NTNG1: variants seen among roughly 807,000 people sequenced by gnomAD.
NTNG1 encodes the protein netrin G1, also known as netrin-G1.
NTNG1 carries 16 observed loss-of-function variants against 54.0 expected under a neutral mutation model. That is an observed-to-expected ratio of 0.30 (90% confidence interval 0.20 to 0.45). The LOEUF (loss-of-function observed/expected upper bound fraction) is 0.45. Among genes scored for constraint, NTNG1 ranks in the 20% least tolerant of loss-of-function variants. The pLI is 1.00. For synonymous variants in NTNG1, 255 were observed against 263.1 expected (o/e 0.97, Z 0.30); for missense variants, 530 against 678.7 (o/e 0.78, Z 2.43).
intron 2 of NTNG1, among the ~76,000 whole-genome samples, chr1:107,249,241 T>G (rs1662420416): frequency 6.6e-6 from 1 of 151,588 alleles, no homozygotes; most frequent in Non-Finnish European, 1.5e-5. Context: ...ATCCCAGCAC[T>G]TTGGGAGGCT....
At chr1:107,299,019 G>A (rs976955166) in intron 2 of NTNG1, among the ~76,000 whole-genome samples, 4 of 152,124 alleles carry the variant, frequency 2.6e-5, no homozygotes, top group Non-Finnish European at 4.4e-5. Flanking sequence ...TGGGTTATGG[G>A]TACATTATGC....
intron 7 of NTNG1, among the ~76,000 whole-genome samples, chr1:107,446,838 GTGAT>G (rs1198473199): frequency 1.3e-5 from 2 of 152,074 alleles, no homozygotes; most frequent in Non-Finnish European, 1.5e-5. Context: ...TAAATACAGA[GTGAT>G]TGATTGTCTT....
At chr1:107,388,831 G>A (rs922520390) in intron 3 of NTNG1, among the ~76,000 whole-genome samples, 1 of 152,194 alleles carries the variant, frequency 6.6e-6, no homozygotes, top group Non-Finnish European at 1.5e-5. Flanking sequence ...TGTAAAGAAA[G>A]TCAAAAGTCA....
intron 2 of NTNG1, among the ~76,000 whole-genome samples, chr1:107,228,420 T>C: frequency 6.6e-6 from 1 of 152,182 alleles, no homozygotes; most frequent in East Asian, 1.9e-4. Flanking sequence ...CAATTTAGGT[T>C]TTAGTAAACT....
At chr1:107,238,647 A>C (rs1208554164) in intron 2 of NTNG1, among the ~76,000 whole-genome samples, 2 of 152,072 alleles carry the variant, frequency 1.3e-5, no homozygotes, top group African/African-American at 4.8e-5. Context: ...AGTCTCATGA[A>C]ATCTGATGGC....
At position 107,387,999 on chromosome 1, in the gene NTNG1, A is replaced by G. The variant is rs371727275; in HGVS notation, c.888-7155A>G. Among the ~76,000 whole-genome samples, 14 of 152,306 alleles carry G rather than the reference A, an allele frequency of 9.2e-5. No homozygotes were observed. In the South Asian group the frequency reaches 2.9e-3, roughly 32 times the overall value. ...CTTTGTTATATTGTCATGATTAGAT[A>G]CAGAGAGTATTACTCTGTTTATAGT... On this transcript the variant is annotated intron_variant, in intron 3 of 7. Transcript: ENST00000370068.
chr1:107,381,190 C>A (rs1166776515), intron 3 of NTNG1, among the ~76,000 whole-genome samples: 3 of 151,652 alleles, frequency 2.0e-5, no homozygotes, highest in Non-Finnish European at 2.9e-5. Flanking sequence ...ACAATAAAAC[C>A]AAATGAAGAG....
At chr1:107,306,602 T>C (rs192593202) in intron 2 of NTNG1, among the ~76,000 whole-genome samples, 1 of 152,032 alleles carries the variant, frequency 6.6e-6, no homozygotes, top group Admixed American at 6.5e-5. Flanking sequence ...AATAGAAAAA[T>C]TAGCTGGGCA....
At chr1:107,196,316 A>G (rs913520688) in intron 2 of NTNG1, among the ~76,000 whole-genome samples, 2 of 152,126 alleles carry the variant, frequency 1.3e-5, no homozygotes, top group Non-Finnish European at 2.9e-5. Flanking sequence ...CCTCCCCACA[A>G]AACCCCTTCC....
intron 3 of NTNG1, among the ~76,000 whole-genome samples, chr1:107,338,557 C>G (rs149987400): frequency 6.6e-6 from 1 of 151,940 alleles, no homozygotes; most frequent in Non-Finnish European, 1.5e-5. Flanking sequence ...CAGGCAAGCA[C>G]CTAGGAGGCC....
Position 107,148,545 on chromosome 1 carries a change from T to C in NTNG1, c.-49T>C. 2 of 1,591,262 alleles carry C rather than the reference T, an allele frequency of 1.3e-6. No homozygotes were observed. The highest frequency in any genetic ancestry group is 1.7e-6 in the Non-Finnish European group (2 of 1,161,648). On this transcript the variant is annotated 5_prime_UTR_variant, in exon 2 of 8. Transcript: ENST00000370068. ...TAAACTAGACAAAGATCGCAGATCA[T>C]AAAGCAAGCTCTGCTTTAGTTTCCA...
chr1:107,249,351 G>A lies in NTNG1; in HGVS notation c.247-74931G>A, dbSNP rs980303365. ...TGCAAAATTAGCTGGGCGTAGTGGC[G>A]CATGCCTGTAATCCCAGCTACTCTG... On this transcript the variant is annotated intron_variant, in intron 2 of 7. Transcript: ENST00000370068. Among the ~76,000 whole-genome samples, 6 of 150,888 alleles carry A rather than the reference G, an allele frequency of 4.0e-5. No individual in the cohort carries two copies. In the South Asian group the frequency reaches 6.3e-4, roughly 16 times the overall value.
rs1487128189 is a variant in NTNG1, at chr1:107,472,699, C to CCAGAT, written c.1391-7910_1391-7909insGATCA. ...CCCCTCATGGCCAGACCAGACCAGACCATAAGGTCGGGGAAGAAAAAAGGT... is the reference window on the plus strand; with the variant it reads ...CCCCTCATGGCCAGACCAGACCAGACCAGATCATAAGGTCGGGGAAGAAAAAAGGT... On this transcript the variant is annotated intron_variant, in intron 7 of 7. Coordinates refer to ENST00000370068, the MANE Select transcript of NTNG1 (RefSeq NM_001113226.3). Among the ~76,000 whole-genome samples, 5 of 152,126 alleles carry CCAGAT rather than the reference C, an allele frequency of 3.3e-5. No individual in the cohort carries two copies. In the South Asian group the frequency reaches 1.0e-3, roughly 32 times the overall value.
chr1:107,422,679 A>T (rs1029455197), intron 5 of NTNG1, among the ~76,000 whole-genome samples: 2 of 152,122 alleles, frequency 1.3e-5, no homozygotes, highest in African/African-American at 2.4e-5. Context: ...AATGCAGTGA[A>T]GGGAAAATTC....
chr1:107,179,036 T>C (rs578114472), intron 2 of NTNG1, among the ~76,000 whole-genome samples: 31 of 152,158 alleles, frequency 2.0e-4, no homozygotes, highest in Non-Finnish European at 4.1e-4. Context: ...GGAAACATTC[T>C]CTCCAAGCCT....
chr1:107,193,178 C>T (rs4497243), intron 2 of NTNG1, among the ~76,000 whole-genome samples: 2 of 152,080 alleles, frequency 1.3e-5, no homozygotes, highest in African/African-American at 2.4e-5. Context: ...CTTCTTACCT[C>T]TTTGAGAACC....
intron 2 of NTNG1, among the ~76,000 whole-genome samples, chr1:107,254,557 G>A (rs1489250311): frequency 6.6e-6 from 1 of 152,218 alleles, no homozygotes; most frequent in Non-Finnish European, 1.5e-5. Context: ...CCTCGCTGTA[G>A]GAAACTTCAT....
In NTNG1 at chr1:107,157,252, A is replaced by G. The variant is rs1002539312; in HGVS notation, c.246+8413A>G. Among the ~76,000 whole-genome samples the G allele has an allele frequency of 5.9e-5, 9 of 152,320 alleles. 1 individual carries two copies. Among genetic ancestry groups the G allele is most frequent in the Admixed American group, 3.9e-4 (6 of 15,286 alleles). On this transcript the variant is annotated intron_variant, in intron 2 of 7. Transcript: ENST00000370068. ...TGCATAATGTCCTTTTTTAAATTGA[A>G]CATGAAGTTTTTGAGATAAACTGTT... is the stretch of plus-strand genomic sequence containing the variant.
chr1:107,420,675 A>C (rs1040563829), intron 5 of NTNG1, among the ~76,000 whole-genome samples: 2 of 151,984 alleles, frequency 1.3e-5, no homozygotes, highest in East Asian at 3.9e-4. Context: ...AAAATAGTCT[A>C]AATGGTGTAT....
Sources: gnomAD v4.1 joint callset for allele counts (sites outside exome capture counted in the v4.1 genomes callset) on GRCh38, gnomAD v4.1.1 for gene constraint, MANE v1.5 for transcripts, NCBI Gene and HGNC (gene_info 2026-07-23, HGNC 2026-07-21) for gene names.